Variants in INPP4B observed in about 807,000 individuals in gnomAD.
The protein encoded by INPP4B is inositol polyphosphate 4-phosphatase type II.
INPP4B carries 55 observed loss-of-function variants against 122.5 expected under a neutral mutation model. The ratio of observed to expected loss-of-function variants is 0.45; its 90% CI spans 0.36 to 0.56. INPP4B has a LOEUF of 0.56. INPP4B is among the 20% of genes least tolerant of loss of function. INPP4B has a pLI of 0.00. For synonymous variants in INPP4B, 403 were observed against 388.7 expected (o/e 1.04, Z -0.43); for missense variants, 1,000 against 1,097.7 (o/e 0.91, Z 1.26).
At chr4:142,084,818 T>C (rs543032766) in intron 24 of INPP4B, among the ~76,000 whole-genome samples, 12 of 152,320 alleles carry the variant, frequency 7.9e-5, no homozygotes, top group African/African-American at 2.6e-4. Context: ...AATTTATCTA[T>C]TTACATAACT....
chr4:142,787,221 A>G (rs1775886981), intron 1 of INPP4B, among the ~76,000 whole-genome samples: 1 of 152,182 alleles, frequency 6.6e-6, no homozygotes, highest in Admixed American at 6.6e-5. Flanking sequence ...TCCTTCAAAT[A>G]GCATGTGTCA....
chr4:142,607,041 A>C (rs1332332951), intron 2 of INPP4B, among the ~76,000 whole-genome samples: 1 of 151,906 alleles, frequency 6.6e-6, no homozygotes, highest in Non-Finnish European at 1.5e-5. Flanking sequence ...TTATTAACTT[A>C]TATTTGGTAA....
Position 142,431,182 on chromosome 4 carries a change from G to A in INPP4B, c.78C>T (p.Asp26=), listed in dbSNP as rs745315954. The change falls in exon 4 of 26, where the codon GAC becomes GAT. Residue 26 remains aspartate (D), a synonymous_variant. Transcript: ENST00000262992. ...ACACATACTTACTTGTGAACTGACA[G>A]TCCCCGGGATCATTGGCCTGGGCTG... is the stretch of plus-strand genomic sequence containing the variant. ...LPTAQANDPG[D]CQFTSIQKTP... 1 of 1,612,742 alleles carries A rather than the reference G, an allele frequency of 6.2e-7. No homozygotes were observed.
At chr4:142,351,984 T>A (rs1240076042) in intron 7 of INPP4B, among the ~76,000 whole-genome samples, 1 of 151,986 alleles carries the variant, frequency 6.6e-6, no homozygotes, top group African/African-American at 2.4e-5. Flanking sequence ...CTCTTTTACA[T>A]TTGCTTGCTG....
chr4:142,809,763 C>T (rs1424719176), intron 1 of INPP4B, among the ~76,000 whole-genome samples: 4 of 152,056 alleles, frequency 2.6e-5, no homozygotes, highest in Non-Finnish European at 5.9e-5. Context: ...TGACTGATTT[C>T]CCTGAGTCAG....
At position 142,472,147 on chromosome 4, in the gene INPP4B, G is replaced by A. The variant is rs557188973; in HGVS notation, c.-190-9421C>T. 2.0e-5 allele frequency among the ~76,000 whole-genome samples: 3 copies of A among 151,986 alleles called. No individual in the cohort carries two copies. The South Asian group carries it at 6.2e-4, about 32-fold the overall frequency. On this transcript the variant is annotated intron_variant, in intron 2 of 25. Coordinates refer to ENST00000262992, the MANE Select transcript of INPP4B (RefSeq NM_001101669.3). ...TTTTCACTTTGTTGAACATTTCTAG[G>A]AATTCTTAAATTCTTTGGAAAAGTA...
At chr4:142,701,955 T>C (rs1338602376) in intron 2 of INPP4B, among the ~76,000 whole-genome samples, 1 of 152,210 alleles carries the variant, frequency 6.6e-6, no homozygotes, top group African/African-American at 2.4e-5. Flanking sequence ...TCACATTTAT[T>C]ACATATTATG....
At chr4:142,080,805 C>T (rs1773526179) in intron 25 of INPP4B, among the ~76,000 whole-genome samples, 1 of 152,136 alleles carries the variant, frequency 6.6e-6, no homozygotes, top group African/African-American at 2.4e-5. Context: ...CATTTCTCAC[C>T]AAGCACCTTT....
At chr4:142,270,128 C>T (rs181035246) in intron 10 of INPP4B, among the ~76,000 whole-genome samples, 55 of 152,300 alleles carry the variant, frequency 3.6e-4, no homozygotes, top group African/African-American at 1.2e-3. Context: ...CTTCTCCTTC[C>T]GTTGCCATTG....
At chr4:142,644,740 TAAAAA>T (rs55700762) in intron 2 of INPP4B, among the ~76,000 whole-genome samples, 9 of 71,046 alleles carry the variant, frequency 1.3e-4, no homozygotes, top group African/African-American at 4.0e-4. Context: ...CATCTCTACT[TAAAAA>T]AAAAAAAAAA....
chr4:142,719,192 A>G (rs2150829345), intron 2 of INPP4B, among the ~76,000 whole-genome samples: 1 of 152,352 alleles, frequency 6.6e-6, no homozygotes, highest in Middle Eastern at 3.4e-3. Flanking sequence ...ACTGATTTCT[A>G]AATCATGCTT....
At chr4:142,785,969 T>C (rs907817958) in intron 1 of INPP4B, among the ~76,000 whole-genome samples, 1 of 152,116 alleles carries the variant, frequency 6.6e-6, no homozygotes, top group Admixed American at 6.6e-5. Flanking sequence ...ATAAATATTA[T>C]ATCCAACTTT....
intron 25 of INPP4B, among the ~76,000 whole-genome samples, chr4:142,065,260 C>T (rs1292133333): frequency 8.4e-6 from 1 of 118,892 alleles, no homozygotes; most frequent in Non-Finnish European, 1.9e-5. Flanking sequence ...CACACACACA[C>T]ACACATACAT....
At chr4:142,062,994 C>T (rs1374360792) in intron 25 of INPP4B, among the ~76,000 whole-genome samples, 1 of 152,132 alleles carries the variant, frequency 6.6e-6, no homozygotes, top group Non-Finnish European at 1.5e-5. Context: ...CGTTGAAATA[C>T]TGAACCTTGA....
intron 14 of INPP4B, among the ~76,000 whole-genome samples, chr4:142,201,963 A>G (rs1345751570): frequency 6.6e-6 from 1 of 152,048 alleles, no homozygotes; most frequent in Non-Finnish European, 1.5e-5. Flanking sequence ...TTATCAAGAG[A>G]CAATTAGAAA....
chr4:142,437,166 T>C (rs1810710825), intron 3 of INPP4B, among the ~76,000 whole-genome samples: 1 of 151,714 alleles, frequency 6.6e-6, no homozygotes, highest in African/African-American at 2.4e-5. Flanking sequence ...ATTTCAGAGA[T>C]TGAAGACTAT....
At chr4:142,109,090 C>T (rs1214777475) in intron 22 of INPP4B, among the ~76,000 whole-genome samples, 5 of 151,974 alleles carry the variant, frequency 3.3e-5, no homozygotes, top group African/African-American at 1.2e-4. Context: ...TCCTCTTTTC[C>T]TCACCTTACC....
chr4:142,388,873 G>C (rs1461130460), intron 7 of INPP4B, among the ~76,000 whole-genome samples: 2 of 152,036 alleles, frequency 1.3e-5, no homozygotes, highest in African/African-American at 4.8e-5. Flanking sequence ...TTGCCTTTCA[G>C]CTGTGCCTTA....
chr4:142,269,324 C>G (rs1013409689), intron 10 of INPP4B, among the ~76,000 whole-genome samples: 7 of 152,080 alleles, frequency 4.6e-5, no homozygotes, highest in African/African-American at 1.7e-4. Flanking sequence ...TCTTCCCTTC[C>G]TGCTTACTCT....
Sources: gnomAD v4.1 joint callset for allele counts (sites outside exome capture counted in the v4.1 genomes callset) on GRCh38, gnomAD v4.1.1 for gene constraint, MANE v1.5 for transcripts, NCBI Gene and HGNC (gene_info 2026-07-23, HGNC 2026-07-21) for gene names.